RPTOR: variants seen among roughly 807,000 people sequenced by gnomAD.
RPTOR encodes regulatory-associated protein of mTOR.
Under a neutral mutation model 169.9 loss-of-function variants are expected in RPTOR, and 21 were observed. The ratio of observed to expected loss-of-function variants is 0.12; its 90% CI spans 0.09 to 0.18. RPTOR has a LOEUF of 0.18. Among genes scored for constraint, RPTOR ranks in the 10% least tolerant of loss-of-function variants. RPTOR has a pLI of 1.00. For synonymous variants in RPTOR, 732 were observed against 753.2 expected, an observed-to-expected ratio of 0.97 and a Z score of 0.46; for missense variants, 1,133 against 1,855.9, an observed-to-expected ratio of 0.61 and a Z score of 7.16.
chr17:80,933,132 G>A (rs1418787304), intron 24 of RPTOR, among the ~76,000 whole-genome samples: 1 of 152,190 alleles, frequency 6.6e-6, no homozygotes, highest in Non-Finnish European at 1.5e-5. Flanking sequence ...ATTATAGCCA[G>A]GGAAGTTAGG....
rs975765412 is a variant in RPTOR, at chr17:80,954,368, C to T, written c.3371-3256C>T. On this transcript the variant is annotated intron_variant, in intron 28 of 33. Coordinates refer to ENST00000306801, the MANE Select transcript of RPTOR (RefSeq NM_020761.3). ...AACTCCTGACCTCAGGTGATCCACC[C>T]GCCTCAGCCTCCCAAAGTGCTGGGA... 3.9e-5 allele frequency among the ~76,000 whole-genome samples: 6 copies of T among 151,904 alleles called. No homozygotes were observed. The South Asian group carries it at 8.3e-4, about 21-fold the overall frequency.
At chr17:80,551,340 A>C (rs528285707) in intron 1 of RPTOR, among the ~76,000 whole-genome samples, 16 of 152,182 alleles carry the variant, frequency 1.1e-4, no homozygotes, top group African/African-American at 2.9e-4. Flanking sequence ...AGCGTTCAGC[A>C]TATGGAGGAT....
intron 11 of RPTOR, among the ~76,000 whole-genome samples, chr17:80,851,546 C>T (rs765243885): frequency 6.6e-6 from 1 of 152,312 alleles, no homozygotes; most frequent in South Asian, 2.1e-4. Flanking sequence ...TCTTTATTGA[C>T]GATGTTTCTT....
At chr17:80,739,193 C>A (rs1235826910) in intron 5 of RPTOR, among the ~76,000 whole-genome samples, 2 of 148,872 alleles carry the variant, frequency 1.3e-5, no homozygotes, top group East Asian at 3.9e-4. Flanking sequence ...GACGCGGAGG[C>A]AGATGTCTTT....
At chr17:80,676,831 C>T (rs1376797728) in intron 3 of RPTOR, among the ~76,000 whole-genome samples, 1 of 152,214 alleles carries the variant, frequency 6.6e-6, no homozygotes, top group Non-Finnish European at 1.5e-5. Flanking sequence ...GTGCAGGGCT[C>T]ATCGCTAGCC....
intron 3 of RPTOR, among the ~76,000 whole-genome samples, chr17:80,680,896 A>C (rs2065893211): frequency 6.6e-6 from 1 of 152,088 alleles, no homozygotes; most frequent in African/African-American, 2.4e-5. Flanking sequence ...CCCTCTCTAG[A>C]CCCAGCAGAT....
At chr17:80,643,945 C>T (rs1357055485) in intron 3 of RPTOR, 135 bp downstream of exon 3, 4 of 663,328 alleles carry the variant, frequency 6.0e-6, no homozygotes, top group Admixed American at 5.9e-5. Flanking sequence ...CTGCGCACTG[C>T]GTTTCGTGTG....
chr17:80,648,109 G>C (rs747780287), intron 3 of RPTOR, among the ~76,000 whole-genome samples: 1 of 152,144 alleles, frequency 6.6e-6, no homozygotes, highest in Non-Finnish European at 1.5e-5. Flanking sequence ...TGGTCCATTA[G>C]CCCAGTAGAA....
chr17:80,716,307 T>C (rs2066238939), intron 4 of RPTOR, among the ~76,000 whole-genome samples: 1 of 152,238 alleles, frequency 6.6e-6, no homozygotes, highest in Non-Finnish European at 1.5e-5. Context: ...TTGATTTGCA[T>C]TTCCCTGATC....
intron 24 of RPTOR, among the ~76,000 whole-genome samples, chr17:80,934,617 G>T (rs2068934664): frequency 6.6e-6 from 1 of 152,190 alleles, no homozygotes; most frequent in African/African-American, 2.4e-5. Flanking sequence ...GCCTCTCAAA[G>T]TGCTGGGATT....
chr17:80,676,359 C>G (rs1023295568), intron 3 of RPTOR, among the ~76,000 whole-genome samples: 3 of 152,150 alleles, frequency 2.0e-5, no homozygotes, highest in African/African-American at 7.2e-5. Context: ...ATTTAAATGA[C>G]AGTTCAGAAA....
Position 80,558,965 on chromosome 17 carries a change from A to G in RPTOR, c.162+13174A>G, listed in dbSNP as rs1332248299. Among the ~76,000 whole-genome samples the G allele has an allele frequency of 2.0e-5, 3 of 152,228 alleles. No homozygotes were observed. In the East Asian group the frequency reaches 5.8e-4, roughly 29 times the overall value. ...TTTACCATCTCAACCATCTTTCAGC[A>G]CACAGTTTAGTGGCAGCAAGCACAC... On this transcript the variant is annotated intron_variant, in intron 1 of 33. Transcript: ENST00000306801.
intron 20 of RPTOR, among the ~76,000 whole-genome samples, chr17:80,901,553 G>A (rs1205646795): frequency 6.6e-6 from 1 of 152,116 alleles, no homozygotes; most frequent in Admixed American, 6.5e-5. Flanking sequence ...ACACCACCTG[G>A]AAACCACCGT....
At chr17:80,949,921 T>G (rs1267515555) in intron 28 of RPTOR, among the ~76,000 whole-genome samples, 3 of 152,240 alleles carry the variant, frequency 2.0e-5, no homozygotes, top group Admixed American at 2.0e-4. Flanking sequence ...TGGACCTAAA[T>G]TTAACTCCTC....
chr17:80,656,864 C>G (rs1183124024), intron 3 of RPTOR, among the ~76,000 whole-genome samples: 1 of 152,188 alleles, frequency 6.6e-6, no homozygotes, highest in African/African-American at 2.4e-5. Flanking sequence ...TTCCTCTGTC[C>G]GGAACACTTG....
At chr17:80,921,925 C>T (rs995524493) in intron 21 of RPTOR, among the ~76,000 whole-genome samples, 5 of 152,182 alleles carry the variant, frequency 3.3e-5, no homozygotes, top group African/African-American at 7.2e-5. Context: ...CACCTGCGTG[C>T]GCCCGTGGGA....
At position 80,876,740 on chromosome 17, in the gene RPTOR, G is replaced by A. The variant is rs369792931; in HGVS notation, c.1510-3675G>A. On this transcript the variant is annotated intron_variant, in intron 13 of 33. Coordinates refer to ENST00000306801, the MANE Select transcript of RPTOR (RefSeq NM_020761.3). The stretch of plus-strand genomic sequence containing the variant: ...TGTGTCGCCTGCCGGGTCTTCCACC[G>A]AGCCCGTGCCACGCAGGGTGTGTGT... 6.5e-5 allele frequency among the ~76,000 whole-genome samples: 7 copies of A among 107,324 alleles called. No individual in the cohort carries two copies. The South Asian group carries it at 1.1e-3, about 17-fold the overall frequency. The allele number at this position is 107,324 out of a possible 152,430, so 70.4% of individuals were successfully genotyped here.
At chr17:80,574,351 A>G (rs1410139435) in intron 1 of RPTOR, among the ~76,000 whole-genome samples, 2 of 150,170 alleles carry the variant, frequency 1.3e-5, no homozygotes, top group Admixed American at 1.3e-4. Context: ...TTTTTTTAGT[A>G]GAGACGGGGT....
chr17:80,811,165 A>G (rs1479232650), intron 7 of RPTOR, among the ~76,000 whole-genome samples: 1 of 152,240 alleles, frequency 6.6e-6, no homozygotes, highest in Non-Finnish European at 1.5e-5. Flanking sequence ...TGAGTCAAGG[A>G]TCAATGACAG....
Sources: gnomAD v4.1 joint callset for allele counts (sites outside exome capture counted in the v4.1 genomes callset) on GRCh38, gnomAD v4.1.1 for gene constraint, MANE v1.5 for transcripts, NCBI Gene and HGNC (gene_info 2026-07-23, HGNC 2026-07-21) for gene names.